Variants in CC2D1B observed in about 807,000 individuals in gnomAD.
The protein encoded by CC2D1B is coiled-coil and C2 domain-containing protein 1B.
In CC2D1B, 92 loss-of-function variants were observed where a neutral mutation model predicts 110.8. The observed-to-expected ratio is 0.83, with a 90% CI of 0.70 to 0.99. CC2D1B has a LOEUF of 0.99. Ranked by LOEUF, CC2D1B falls within the 50% of genes least tolerant of loss-of-function variation. CC2D1B has a pLI of 0.00. For missense variants in CC2D1B, 1,136 were observed against 1,089.0 expected (o/e 1.04, Z -0.61); for synonymous variants, 406 against 429.2 (o/e 0.95, Z 0.67).
Position 52,361,734 on chromosome 1 carries a change from C to T in CC2D1B, c.215-118G>A, listed in dbSNP as rs1017200672. On this transcript the variant is annotated intron_variant, in intron 3 of 24. Coordinates refer to ENST00000284376, the MANE Select transcript of CC2D1B (RefSeq NM_001330585.2). ...CCCTCTTCCCTCCCACAGCAGAGTCCCACCTGGAAAACTGCTCTTCCTTTA... is the reference window on the plus strand; with the variant it reads ...CCCTCTTCCCTCCCACAGCAGAGTCTCACCTGGAAAACTGCTCTTCCTTTA... The T allele has an allele frequency of 4.2e-5, 54 of 1,284,860 alleles. No individual in the cohort carries two copies. In the African/African-American group the frequency reaches 6.6e-4, roughly 16 times the overall value. The allele number at this position is 1,284,860 out of a possible 1,614,324, so 79.6% of individuals were successfully genotyped here. A position where few individuals can be genotyped will look rare whatever the true frequency, so the allele number is the denominator to read the frequency against.
At chr1:52,355,503 G>A (rs1022710476) in intron 20 of CC2D1B, 54 bp from the exon 21 acceptor site, 1 of 1,608,814 alleles carries the variant, frequency 6.2e-7, no homozygotes, top group Middle Eastern at 1.7e-4. Flanking sequence ...GAGGCACACA[G>A]GGCAGGCACT....
intron 22 of CC2D1B, 23 bp downstream of exon 22, chr1:52,354,817 A>G: frequency 6.2e-7 from 1 of 1,610,468 alleles, no homozygotes; most frequent in Non-Finnish European, 8.5e-7. Flanking sequence ...CCCGTGTGGC[A>G]GCATGACCGA....
At position 52,355,433 on chromosome 1, in the gene CC2D1B, C is replaced by T. The variant is rs377556369; in HGVS notation, c.2204G>A (p.Ser735Asn). 6.1e-5 allele frequency: 99 copies of T among 1,614,028 alleles called. 2 individuals carry two copies. The Middle Eastern group carries it at 9.9e-4, about 16-fold the overall frequency. Reference sequence around the variant, plus strand: ...TGTGTTCTTCACCACAGCTGTTTTGCTTTTTTGAGCCTGGTCCTAAGCAGT... The same window carrying T: ...TGTGTTCTTCACCACAGCTGTTTTGTTTTTTTGAGCCTGGTCCTAAGCAGT... The part of the protein sequence containing the change: ...HYPNSDQAQK[S>N]KTAVVKNTNS... Residue 735 changes from serine (S) to asparagine (N), a missense_variant, in exon 21 of 25, where the codon AGC becomes AAC. Physicochemically the swap from Ser to Asn is conservative, Grantham distance 46. Coordinates refer to ENST00000284376, the MANE Select transcript of CC2D1B (RefSeq NM_001330585.2).
At position 52,357,705 on chromosome 1, in the gene CC2D1B, G is replaced by A. The variant is rs1275938135; in HGVS notation, c.1580-7C>T. 6.2e-7 allele frequency: 1 copy of A among 1,608,864 alleles called. No individual in the cohort carries two copies. Among genetic ancestry groups the A allele is most frequent in the Non-Finnish European group, 8.5e-7 (1 of 1,177,718 alleles). On this transcript the variant is annotated splice_region_variant and splice_polypyrimidine_tract_variant and intron_variant, in intron 14 of 24. Coordinates refer to ENST00000284376, the MANE Select transcript of CC2D1B (RefSeq NM_001330585.2). The stretch of plus-strand genomic sequence containing the variant: ...AGTGCCAGCTGCTCCCGCACTGAAG[G>A]GAGAAGGCCACTGGTTAGGGCCACA...
At chr1:52,364,063 A>G (rs1646837481) in intron 2 of CC2D1B, among the ~76,000 whole-genome samples, 1 of 152,328 alleles carries the variant, frequency 6.6e-6, no homozygotes. Flanking sequence ...GCTCTTTGCG[A>G]CTTGAGTCTA....
rs1646773806 is a variant in CC2D1B at position 52,361,137 on chromosome 1, G to GAGCTT, written c.319-6_319-5insAAGCT. On this transcript the variant is annotated splice_region_variant and splice_polypyrimidine_tract_variant and intron_variant, in intron 4 of 24. Transcript: ENST00000284376. ...TAAGACCTCCTGCAGCTCCGTCTAG[G>GAGCTT]GAGACAAAACACAGCCCAGGAGCTT... is the stretch of plus-strand genomic sequence containing the variant. 1 of 1,613,870 alleles carries GAGCTT rather than the reference G, an allele frequency of 6.2e-7. No individual in the cohort carries two copies. Among genetic ancestry groups the GAGCTT allele is most frequent in the Admixed American group, 1.7e-5 (1 of 59,982 alleles).
At chr1:52,353,300 AAGATAGATAGAT>A in intron 24 of CC2D1B, 77 bp from the exon 25 acceptor site, 2 of 1,477,402 alleles carry the variant, frequency 1.4e-6, no homozygotes, top group Admixed American at 2.3e-5. Flanking sequence ...GGGTTTCCTG[AAGATAGATAGAT>A]AGATAGATAG....
chr1:52,354,457 G>A, intron 23 of CC2D1B, 151 bp downstream of exon 23: 1 of 768,936 alleles, frequency 1.3e-6, no homozygotes, highest in South Asian at 1.4e-5. Flanking sequence ...CTCTCCATCT[G>A]TGAAATGAGG....
At chr1:52,364,329 G>T (rs1012574584) in intron 2 of CC2D1B, among the ~76,000 whole-genome samples, 1 of 152,072 alleles carries the variant, frequency 6.6e-6, no homozygotes, top group African/African-American at 2.4e-5. Context: ...GAGCACTGAG[G>T]TCCCATCAGA....
At chr1:52,354,224 A>C in intron 23 of CC2D1B, 1 of 387,126 alleles carries the variant, frequency 2.6e-6, no homozygotes, top group Non-Finnish European at 5.0e-6. Flanking sequence ...CTACAGTGGG[A>C]AGAGCCCCAG....
In CC2D1B at chr1:52,360,171, T is replaced by G; in HGVS notation, c.666A>C (p.Pro222=). 5 of 1,613,824 alleles carry G rather than the reference T, an allele frequency of 3.1e-6. No individual in the cohort carries two copies. Among genetic ancestry groups the G allele is most frequent in the Non-Finnish European group, 3.4e-6 (4 of 1,179,884 alleles). Residue 222 remains proline, a synonymous_variant, in exon 7 of 25, where the codon CCA becomes CCC. Transcript: ENST00000284376. ...GCCGCTTTCCTAAGGCCACTGGAGG[T>G]GGGATCTCATCCTCATTGATCTTTC... The part of the protein sequence containing the change: ...RGRKINEDEI[P]PPVALGKRPL...
In CC2D1B at chr1:52,354,959, C is replaced by T; in HGVS notation, c.2240-20G>A. 1.3e-6 allele frequency: 2 copies of T among 1,591,760 alleles called. No individual in the cohort carries two copies. The highest frequency in any genetic ancestry group is 1.7e-6 in the Non-Finnish European group (2 of 1,159,658). ...CAAATTCTGGCAAAGGGGGAGAAAG[C>T]AAGGAGGGGCTTGGCTCTCGGGATT... On this transcript the variant is annotated intron_variant, in intron 21 of 24. Coordinates refer to ENST00000284376, the MANE Select transcript of CC2D1B (RefSeq NM_001330585.2).
chr1:52,360,768 C>CG (rs1557552638), intron 5 of CC2D1B: 4 of 893,992 alleles, frequency 4.5e-6, no homozygotes, highest in Non-Finnish European at 6.7e-6. Flanking sequence ...ATATGGCTCC[C>CG]GGGGGGTAGT....
chr1:52,364,593 C>G lies in CC2D1B; in HGVS notation c.28G>C (p.Gly10Arg). Residue 10 changes from glycine to arginine, a missense_variant, in exon 2 of 25, where the codon GGC becomes CGC. Transcript: ENST00000284376. ...ACCCCTTGGCCTCTGGCCTGAGGGC[C>G]CTTCCGAGGTCTTGGCCCTGGCATC... MMPGPRPRK[G>R]PQARGQGVAA... The G allele has an allele frequency of 1.2e-6, 2 of 1,607,996 alleles. No individual in the cohort carries two copies. The highest frequency in any genetic ancestry group is 2.2e-5 in the South Asian group (2 of 90,640).
intron 3 of CC2D1B, among the ~76,000 whole-genome samples, chr1:52,362,330 C>A (rs1334562861): frequency 1.3e-5 from 2 of 152,218 alleles, no homozygotes; most frequent in East Asian, 3.8e-4. Flanking sequence ...TAACTGGGCC[C>A]CTACCCTACA....
At chr1:52,356,575 A>G in intron 16 of CC2D1B, 133 bp from the exon 17 acceptor site, 1 of 890,594 alleles carries the variant, frequency 1.1e-6, no homozygotes. Flanking sequence ...CACAGCCCCA[A>G]GGGCACTACT....
intron 16 of CC2D1B, chr1:52,356,735 A>AGAT: frequency 1.7e-6 from 1 of 599,052 alleles, no homozygotes; most frequent in East Asian, 2.8e-5. Flanking sequence ...CAGTTCAGAT[A>AGAT]GATAAATACA....
chr1:52,364,681 C>G (rs76365061), intron 1 of CC2D1B, 47 bp from the exon 2 acceptor site: 1 of 1,323,648 alleles, frequency 7.6e-7, no homozygotes, highest in South Asian at 1.2e-5. Context: ...CCATAAGCCA[C>G]GCCCCCAACA....
At chr1:52,364,450 T>G (rs910509942) in intron 2 of CC2D1B, 102 bp downstream of exon 2, 1 of 666,398 alleles carries the variant, frequency 1.5e-6, no homozygotes, top group African/African-American at 1.8e-5. Context: ...GCTCCAAGTC[T>G]CTGAACTAAT....
Sources: gnomAD v4.1 joint callset for allele counts (sites outside exome capture counted in the v4.1 genomes callset) on GRCh38, gnomAD v4.1.1 for gene constraint, MANE v1.5 for transcripts, NCBI Gene and HGNC (gene_info 2026-07-23, HGNC 2026-07-21) for gene names.